COX15: variants seen among roughly 807,000 people sequenced by gnomAD.
COX15 encodes cytochrome c oxidase assembly factor COX15.
A neutral mutation model predicts 51.9 loss-of-function variants in COX15; 51 were observed. The ratio of observed to expected loss-of-function variants is 0.98; its 90% confidence interval spans 0.78 to 1.24. The LOEUF is 1.24. Ranked by LOEUF, COX15 falls within the 50% of genes most tolerant of loss-of-function variation. The pLI, the probability that COX15 is intolerant of heterozygous loss-of-function variation, is 0.00. For missense variants in COX15, 420 were observed against 501.1 expected (o/e 0.84, Z 1.55); for synonymous variants, 188 against 190.5 (o/e 0.99, Z 0.11).
chr10:99,731,577 A>G (rs903233564), intron 1 of COX15, among the ~76,000 whole-genome samples: 1 of 152,224 alleles, frequency 6.6e-6, no homozygotes, highest in Non-Finnish European at 1.5e-5. Flanking sequence ...TGTAGGATGC[A>G]GTAATACTTC....
At chr10:99,730,858 C>T (rs1010221886) in intron 1 of COX15, among the ~76,000 whole-genome samples, 1 of 152,134 alleles carries the variant, frequency 6.6e-6, no homozygotes, top group African/African-American at 2.4e-5. Context: ...GCCAGTAGTT[C>T]GAGACCAGCC....
At chr10:99,727,248 T>C in intron 3 of COX15, 94 bp from the exon 4 acceptor site, 1 of 1,491,412 alleles carries the variant, frequency 6.7e-7, no homozygotes, top group Admixed American at 1.8e-5. Context: ...TTCTCAGTCC[T>C]GCAACTTGGT....
chr10:99,704,755 T>C, the COX15 span: 1 of 1,322,882 alleles, frequency 7.6e-7, no homozygotes. Flanking sequence ...CTTTCTTATA[T>C]AGCCTCAGAT....
At position 99,711,562 on chromosome 10, in the gene COX15, A is replaced by G; in HGVS notation, c.*3025T>C. On this transcript the variant is annotated 3_prime_UTR_variant, in exon 9 of 9. Transcript: ENST00000016171. ...TTTCTAAGGTAACTAGGCTATTAGG[A>G]CCTAAGCCAGTGGTCCCTAGACTTG... The G allele has an allele frequency of 1.0e-6, 1 of 985,432 alleles. No homozygotes were observed. The highest frequency in any genetic ancestry group is 1.2e-6 in the Non-Finnish European group (1 of 829,938). 61.0% of individuals were successfully genotyped at this position (985,432 alleles called of 1,614,324 possible). A position where few individuals can be genotyped will look rare whatever the true frequency, so the allele number is the denominator to read the frequency against.
chr10:99,699,759 T>G, the COX15 span, among the ~76,000 whole-genome samples: 1 of 152,048 alleles, frequency 6.6e-6, no homozygotes, highest in Non-Finnish European at 1.5e-5. Flanking sequence ...AGAGATGGGG[T>G]TTTGCCATGT....
chr10:99,702,207 G>T, the COX15 span, among the ~76,000 whole-genome samples: 3 of 151,894 alleles, frequency 2.0e-5, no homozygotes, highest in African/African-American at 7.3e-5. Flanking sequence ...ACTTCAACTG[G>T]GTTGTTTTGA....
chr10:99,702,512 A>G, the COX15 span: 47 of 1,559,856 alleles, frequency 3.0e-5, no homozygotes, highest in Admixed American at 4.1e-5. Context: ...TGTCACACAG[A>G]TATCAGTGTT....
chr10:99,713,628 T>A lies in COX15; in HGVS notation c.*959A>T, dbSNP rs190507435. 6.6e-4 allele frequency: 743 copies of A among 1,131,042 alleles called. 3 individuals carry two copies. The African/African-American group carries it at 9.7e-3, about 15-fold the overall frequency. 70.1% of individuals were successfully genotyped at this position (1,131,042 alleles called of 1,614,324 possible). ...AACCCTCTCAGGAACCAATTTATACTGTCGATTCCATTCCTCTCTCTGACC... is the reference window on the plus strand; with the variant it reads ...AACCCTCTCAGGAACCAATTTATACAGTCGATTCCATTCCTCTCTCTGACC... On this transcript the variant is annotated 3_prime_UTR_variant, in exon 9 of 9. Transcript: ENST00000016171.
downstream of COX15, among the ~76,000 whole-genome samples, chr10:99,706,870 A>G (rs1165676467): frequency 6.6e-6 from 1 of 152,178 alleles, no homozygotes; most frequent in Non-Finnish European, 1.5e-5. Flanking sequence ...GATCTAATCA[A>G]TGATCTAGTC....
chr10:99,700,972 G>A, the COX15 span: 2 of 1,613,754 alleles, frequency 1.2e-6, no homozygotes, highest in Non-Finnish European at 1.7e-6. Flanking sequence ...GGTTGATCCA[G>A]GATTACTGTG....
At chr10:99,721,616 CTTTA>C (rs1300952628) in intron 5 of COX15, among the ~76,000 whole-genome samples, 1 of 152,016 alleles carries the variant, frequency 6.6e-6, no homozygotes, top group Non-Finnish European at 1.5e-5. Context: ...TGAATAAGAA[CTTTA>C]TAAACAGGTG....
At chr10:99,710,735 A>T, downstream of COX15, 3 of 985,424 alleles carry the variant, frequency 3.0e-6, no homozygotes, top group Non-Finnish European at 3.6e-6. Flanking sequence ...TAAACTGGTT[A>T]TCCTAAAATC....
At chr10:99,710,135 ACTC>A (rs1410892751), downstream of COX15, 1 of 985,134 alleles carries the variant, frequency 1.0e-6, no homozygotes, top group Non-Finnish European at 1.2e-6. Context: ...TCTGGTGGCC[ACTC>A]CTCCTTCTCC....
At chr10:99,705,870 TAA>T (rs2036240186), downstream of COX15, 3 of 152,232 alleles carry the variant, frequency 2.0e-5, no homozygotes, top group Non-Finnish European at 4.4e-5. Context: ...AAAGCCATAA[TAA>T]TTACATCTTC....
At chr10:99,709,474 T>C (rs756503233), downstream of COX15, 69 of 985,294 alleles carry the variant, frequency 7.0e-5, no homozygotes, top group Non-Finnish European at 8.2e-5. Context: ...ACAAAAAATA[T>C]TGCTGTTAAA....
At position 99,713,073 on chromosome 10, in the gene COX15, C is replaced by A; in HGVS notation, c.*1514G>T. 1 of 1,182,852 alleles carries A rather than the reference C, an allele frequency of 8.5e-7. No individual in the cohort carries two copies. Among genetic ancestry groups the A allele is most frequent in the Non-Finnish European group, 1.1e-6 (1 of 946,390 alleles). The allele number at this position is 1,182,852 out of a possible 1,614,324, so 73.3% of individuals were successfully genotyped here. On this transcript the variant is annotated 3_prime_UTR_variant, in exon 9 of 9. Transcript: ENST00000016171. ...TCAATATCTTGCTTAAATTTGGTAC[C>A]CAGAGTGAAATGCAGTATGTTAGGG...
chr10:99,727,405 T>C, intron 3 of COX15, 36 bp downstream of exon 3: 2 of 1,609,784 alleles, frequency 1.2e-6, no homozygotes, highest in Non-Finnish European at 1.7e-6. Context: ...CAAATGGGCC[T>C]ACTGGGATGT....
chr10:99,711,484 A>G lies in COX15; in HGVS notation c.*3103T>C. The G allele has an allele frequency of 1.0e-6, 1 of 985,418 alleles. No homozygotes were observed. The highest frequency in any genetic ancestry group is 1.2e-6 in the Non-Finnish European group (1 of 829,914). The allele number at this position is 985,418 out of a possible 1,614,324, so 61.0% of individuals were successfully genotyped here. A position where few individuals can be genotyped will look rare whatever the true frequency, so the allele number is the denominator to read the frequency against. On this transcript the variant is annotated 3_prime_UTR_variant, in exon 9 of 9. Coordinates refer to ENST00000016171, the MANE Select transcript of COX15 (RefSeq NM_078470.6). ...CTAATAGGAGCAACATAGCAGATCA[A>G]ATGATAAGGTGGGGTGGAAATTAGA...
rs2036461577 is a variant in COX15 at position 99,713,403 on chromosome 10, C to T, written c.*1184G>A. 6.2e-7 allele frequency: 1 copy of T among 1,613,860 alleles called. No individual in the cohort carries two copies. Among genetic ancestry groups the T allele is most frequent in the Non-Finnish European group, 8.5e-7 (1 of 1,179,968 alleles). On this transcript the variant is annotated 3_prime_UTR_variant, in exon 9 of 9. Transcript: ENST00000016171. ...ATTATATTAGCAATATTGGGTTGCT[C>T]CATCCTCAAATCAGATGTTTCTGAT... is the stretch of plus-strand genomic sequence containing the variant.
Sources: gnomAD v4.1 joint callset for allele counts (sites outside exome capture counted in the v4.1 genomes callset) on GRCh38, gnomAD v4.1.1 for gene constraint, MANE v1.5 for transcripts, NCBI Gene and HGNC (gene_info 2026-07-23, HGNC 2026-07-21) for gene names.